Variants in RB1CC1 observed in about 807,000 individuals in gnomAD.
RB1CC1 encodes RB1 inducible coiled-coil 1, also known as RB1-inducible coiled-coil protein 1.
A neutral mutation model predicts 177.5 loss-of-function variants in RB1CC1; 46 were observed. The observed-to-expected ratio is 0.26, with a 90% confidence interval of 0.20 to 0.33. The LOEUF (loss-of-function observed/expected upper bound fraction) is 0.33. Ranked by LOEUF, RB1CC1 falls within the 10% of genes least tolerant of loss-of-function variation. RB1CC1 has a pLI of 1.00. For missense variants in RB1CC1, 1,703 were observed against 1,816.3 expected (o/e 0.94, Z 1.13); for synonymous variants, 666 against 613.6 (o/e 1.09, Z -1.26).
intron 15 of RB1CC1, among the ~76,000 whole-genome samples, chr8:52,654,995 ATC>A (rs1184575298): frequency 1.9e-4 from 29 of 152,132 alleles, no homozygotes. Flanking sequence ...TCTGAATATA[ATC>A]TGTTTTTACT....
At chr8:52,629,513 A>C (rs575223646) in intron 21 of RB1CC1, among the ~76,000 whole-genome samples, 1 of 152,284 alleles carries the variant, frequency 6.6e-6, no homozygotes, top group South Asian at 2.1e-4. Flanking sequence ...GTGCCCTATA[A>C]ATTTAACCTG....
intron 1 of RB1CC1, among the ~76,000 whole-genome samples, chr8:52,710,670 GTT>G (rs1262761574): frequency 1.3e-5 from 2 of 151,872 alleles, no homozygotes; most frequent in African/African-American, 4.8e-5. Flanking sequence ...TTCTAGTTGT[GTT>G]TTATTTTATA....
At chr8:52,635,360 G>C (rs571987478) in intron 19 of RB1CC1, among the ~76,000 whole-genome samples, 1 of 152,156 alleles carries the variant, frequency 6.6e-6, no homozygotes, top group African/African-American at 2.4e-5. Flanking sequence ...TTTCATAATA[G>C]AAAACATGCT....
intron 12 of RB1CC1, among the ~76,000 whole-genome samples, chr8:52,659,632 A>C (rs1360834942): frequency 6.6e-6 from 1 of 152,242 alleles, no homozygotes; most frequent in Non-Finnish European, 1.5e-5. Context: ...TCGCTATGTC[A>C]CCAATTCTTA....
In RB1CC1 at chr8:52,683,713, T is replaced by G; in HGVS notation, c.205A>C (p.Asn69His). ...VCTYSAGTDT[N>H]PIFLFNKEMI... ...TCTTTGTTAAAAAGAAAAATTGGAT[T>G]TGTATCCTATATTTTTTAAAAAAGG... The change falls in exon 5 of 24, where the codon AAT becomes CAT. Residue 69 changes from asparagine (N) to histidine (H), a missense_variant. Physicochemically the swap from Asn to His is moderately conservative, Grantham distance 68. Around this residue, in one of 6 missense-constraint regions of RB1CC1, gnomAD observed 118 missense variants for 121.2 expected, o/e 0.97. Transcript: ENST00000025008. The G allele has an allele frequency of 6.3e-7, 1 of 1,582,506 alleles. No homozygotes were observed. Among genetic ancestry groups the G allele is most frequent in the Non-Finnish European group, 8.6e-7 (1 of 1,165,622 alleles).
At chr8:52,662,114 T>C (rs1198064204) in intron 8 of RB1CC1, among the ~76,000 whole-genome samples, 1 of 151,976 alleles carries the variant, frequency 6.6e-6, no homozygotes, top group East Asian at 1.9e-4. Context: ...TATACAGTAG[T>C]ATATTAGACA....
At chr8:52,643,563 C>T (rs894072394) in intron 16 of RB1CC1, among the ~76,000 whole-genome samples, 3 of 151,888 alleles carry the variant, frequency 2.0e-5, no homozygotes, top group Admixed American at 1.3e-4. Context: ...GTGGCACATG[C>T]CTGTAGTCCC....
At chr8:52,709,265 C>G (rs561365848) in intron 1 of RB1CC1, among the ~76,000 whole-genome samples, 2 of 152,022 alleles carry the variant, frequency 1.3e-5, no homozygotes, top group Admixed American at 6.5e-5. Flanking sequence ...TCCAGATGTA[C>G]AGGAATAACA....
intron 22 of RB1CC1, among the ~76,000 whole-genome samples, chr8:52,626,383 A>G (rs1268671008): frequency 6.6e-6 from 1 of 152,230 alleles, no homozygotes; most frequent in Non-Finnish European, 1.5e-5. Context: ...AAGTCTTCAA[A>G]ATGAACATGG....
chr8:52,674,054 C>A lies in RB1CC1; in HGVS notation c.793G>T (p.Val265Leu), dbSNP rs1180479453. The A allele has an allele frequency of 7.4e-6, 12 of 1,614,026 alleles. No individual in the cohort carries two copies. Among genetic ancestry groups the A allele is most frequent in the Non-Finnish European group, 1.0e-5 (12 of 1,180,008 alleles). The change falls in exon 7 of 24, where the codon GTG (valine) becomes TTG (leucine). Residue 265 changes from valine to leucine, a missense_variant. Coordinates refer to ENST00000025008, the MANE Select transcript of RB1CC1 (RefSeq NM_014781.5). ...TCAGCATCTGCGGTATCTGGGGACACATGTTCCACTGACTTGGGAAATGAG... is the reference window on the plus strand; with the variant it reads ...TCAGCATCTGCGGTATCTGGGGACAAATGTTCCACTGACTTGGGAAATGAG... ...LTSFPKSVEH[V>L]SPDTADAESG...
Position 52,694,619 on chromosome 8 carries a change from A to T in RB1CC1, c.-166-7652T>A, listed in dbSNP as rs1440752795. Among the ~76,000 whole-genome samples, 6 of 152,194 alleles carry T rather than the reference A, an allele frequency of 3.9e-5. No individual in the cohort carries two copies. In the East Asian group the frequency reaches 1.2e-3, roughly 29 times the overall value. On this transcript the variant is annotated intron_variant, in intron 1 of 23. Coordinates refer to ENST00000025008, the MANE Select transcript of RB1CC1 (RefSeq NM_014781.5). ...CTTCCTCCAAAGCTTAAGCAACTACAGCCACTTCAGTGAGAGCTGCACATA... is the reference window on the plus strand; with the variant it reads ...CTTCCTCCAAAGCTTAAGCAACTACTGCCACTTCAGTGAGAGCTGCACATA...
chr8:52,635,517 T>C (rs953613876), intron 19 of RB1CC1, among the ~76,000 whole-genome samples: 8 of 152,184 alleles, frequency 5.3e-5, no homozygotes, highest in African/African-American at 1.9e-4. Context: ...GTGTACCAAT[T>C]TGATCTTATA....
intron 15 of RB1CC1, 133 bp downstream of exon 15, chr8:52,655,875 G>A: frequency 1.5e-6 from 1 of 673,028 alleles, no homozygotes; most frequent in Non-Finnish European, 2.3e-6. Flanking sequence ...TAAAAAGTAA[G>A]TTTTTACTTC....
intron 1 of RB1CC1, among the ~76,000 whole-genome samples, chr8:52,690,569 T>C (rs1183797531): frequency 2.0e-5 from 3 of 152,178 alleles, no homozygotes; most frequent in African/African-American, 7.2e-5. Flanking sequence ...AACGGTATTG[T>C]TGGGATAAGA....
intron 5 of RB1CC1, among the ~76,000 whole-genome samples, chr8:52,682,842 T>C (rs1265308433): frequency 6.6e-6 from 1 of 152,176 alleles, no homozygotes; most frequent in Non-Finnish European, 1.5e-5. Flanking sequence ...TTATTTCCTT[T>C]TAATGTTGTA....
chr8:52,678,531 T>C (rs1239535610), intron 5 of RB1CC1, among the ~76,000 whole-genome samples: 1 of 152,138 alleles, frequency 6.6e-6, no homozygotes, highest in Non-Finnish European at 1.5e-5. Context: ...TGTGTGTATA[T>C]CAAAGTCTAG....
intron 5 of RB1CC1, among the ~76,000 whole-genome samples, chr8:52,681,758 C>G (rs1444930966): frequency 6.6e-6 from 1 of 152,200 alleles, no homozygotes; most frequent in African/African-American, 2.4e-5. Context: ...CAGTGAGATC[C>G]TGTCTCTATA....
At chr8:52,701,475 C>T (rs1473409075) in intron 1 of RB1CC1, among the ~76,000 whole-genome samples, 2 of 152,252 alleles carry the variant, frequency 1.3e-5, no homozygotes, top group East Asian at 3.9e-4. Flanking sequence ...AGTTTGATTA[C>T]TGCTTTGCCT....
At chr8:52,631,451 C>G (rs1590914360) in intron 20 of RB1CC1, among the ~76,000 whole-genome samples, 1 of 152,116 alleles carries the variant, frequency 6.6e-6, no homozygotes, top group Non-Finnish European at 1.5e-5. Context: ...GACCATCAAA[C>G]AGGCCATCTG....
Sources: allele counts gnomAD v4.1 joint callset (sites outside exome capture counted in the v4.1 genomes callset), GRCh38; gene constraint gnomAD v4.1.1; regional missense constraint gnomAD v4.1.1; transcripts MANE v1.5; gene names NCBI Gene and HGNC (gene_info 2026-07-23, HGNC 2026-07-21).